Variants in ERBIN observed in about 807,000 individuals in gnomAD.
ERBIN encodes the protein erbb2 interacting protein.
In ERBIN, 60 loss-of-function variants were observed where a neutral mutation model predicts 158.4. The ratio of observed to expected loss-of-function variants is 0.38; its 90% CI spans 0.31 to 0.47. The LOEUF is 0.47. Among genes scored for constraint, ERBIN ranks in the 20% least tolerant of loss-of-function variants. ERBIN has a pLI of 0.99. For synonymous variants in ERBIN, 594 were observed against 557.2 expected (o/e 1.07, Z -0.93); for missense variants, 1,610 against 1,648.0 (o/e 0.98, Z 0.40).
intron 7 of ERBIN, among the ~76,000 whole-genome samples, chr5:66,019,537 C>T (rs1365898581): frequency 6.6e-6 from 1 of 152,094 alleles, no homozygotes; most frequent in East Asian, 1.9e-4. Flanking sequence ...AGATCTTATT[C>T]TAGGATGCAG....
chr5:65,989,997 A>G (rs948007365), intron 2 of ERBIN, among the ~76,000 whole-genome samples: 4 of 152,238 alleles, frequency 2.6e-5, no homozygotes, highest in Non-Finnish European at 4.4e-5. Context: ...ATCTTATTAG[A>G]TGAACTGTTT....
At chr5:66,031,696 G>A (rs13170623) in intron 14 of ERBIN, among the ~76,000 whole-genome samples, 2 of 152,104 alleles carry the variant, frequency 1.3e-5, no homozygotes, top group African/African-American at 4.8e-5. Flanking sequence ...GCCAGGTGGG[G>A]TAGCACATGC....
At chr5:65,993,448 C>T (rs1752095228) in intron 3 of ERBIN, among the ~76,000 whole-genome samples, 1 of 152,102 alleles carries the variant, frequency 6.6e-6, no homozygotes, top group African/African-American at 2.4e-5. Flanking sequence ...TGGTTTGTTG[C>T]CATGAAACAC....
chr5:66,034,546 C>CA (rs1288977375), intron 14 of ERBIN, among the ~76,000 whole-genome samples: 1 of 151,692 alleles, frequency 6.6e-6, no homozygotes. Context: ...CTCGGCCTCC[C>CA]AAAGTGCTGG....
rs1314182459 is a variant in ERBIN at position 66,041,618 on chromosome 5, T to TG, written c.1307-1457dup. Among the ~76,000 whole-genome samples the TG allele has an allele frequency of 1.2e-3, 176 of 152,160 alleles. 2 individuals are homozygous for TG. Among genetic ancestry groups the TG allele is most frequent in the Non-Finnish European group, 2.9e-4 (20 of 67,884 alleles). ...GAGAATTTGACAAGAATGAGAAGCA[T>TG]GGTATAAGTTAACTTACCTTGGGCT... On this transcript the variant is annotated intron_variant, in intron 15 of 25. Coordinates refer to ENST00000284037, the MANE Select transcript of ERBIN (RefSeq NM_001253697.2).
intron 15 of ERBIN, among the ~76,000 whole-genome samples, 186 bp downstream of exon 15, chr5:66,038,668 G>A (rs1757637855): frequency 6.6e-6 from 1 of 152,036 alleles, no homozygotes; most frequent in African/African-American, 2.4e-5. Context: ...AAGTATAAGT[G>A]TAGCATATGC....
chr5:66,018,500 T>TATA (rs1755141356), intron 7 of ERBIN, among the ~76,000 whole-genome samples: 1 of 10,182 alleles, frequency 9.8e-5, no homozygotes, highest in Non-Finnish European at 1.7e-4. Context: ...TATTATATAA[T>TATA]ATATATTATA....
intron 1 of ERBIN, among the ~76,000 whole-genome samples, chr5:65,963,217 T>C (rs974571027): frequency 9.2e-5 from 14 of 152,232 alleles, no homozygotes; most frequent in African/African-American, 2.7e-4. Context: ...TTTTTTATTC[T>C]TTTGTTCTTT....
At chr5:66,046,575 AC>A in intron 18 of ERBIN, 37 bp downstream of exon 18, 1 of 1,426,788 alleles carries the variant, frequency 7.0e-7, no homozygotes, top group Non-Finnish European at 9.4e-7. Flanking sequence ...AACTATAAGA[AC>A]TTTCAATTTA....
At chr5:65,969,553 A>G (rs1749023927) in intron 1 of ERBIN, among the ~76,000 whole-genome samples, 1 of 152,232 alleles carries the variant, frequency 6.6e-6, no homozygotes, top group African/African-American at 2.4e-5. Flanking sequence ...AATGTAAAGC[A>G]GTATTATTTC....
chr5:65,997,938 A>ACC (rs1752608732), intron 4 of ERBIN, among the ~76,000 whole-genome samples: 1 of 152,166 alleles, frequency 6.6e-6, no homozygotes, highest in South Asian at 2.1e-4. Context: ...ACACACACAC[A>ACC]CACACACACA....
At chr5:66,003,614 A>C (rs1211017583) in intron 4 of ERBIN, among the ~76,000 whole-genome samples, 1 of 152,130 alleles carries the variant, frequency 6.6e-6, no homozygotes, top group African/African-American at 2.4e-5. Flanking sequence ...CTTTTTTCAG[A>C]CATGATTATA....
intron 21 of ERBIN, among the ~76,000 whole-genome samples, chr5:66,066,038 T>G (rs111513502): frequency 5.5e-4 from 83 of 152,254 alleles, no homozygotes; most frequent in African/African-American, 1.9e-3. Flanking sequence ...TCTGCAAGTC[T>G]CTCGTGGGGA....
chr5:65,937,158 C>T (rs1445487529), intron 1 of ERBIN, among the ~76,000 whole-genome samples: 1 of 152,136 alleles, frequency 6.6e-6, no homozygotes, highest in Non-Finnish European at 1.5e-5. Flanking sequence ...TGATGTGTTG[C>T]TTATCCTTAT....
chr5:66,036,376 A>G (rs537897946), intron 14 of ERBIN, among the ~76,000 whole-genome samples: 7 of 152,202 alleles, frequency 4.6e-5, no homozygotes, highest in African/African-American at 1.7e-4. Context: ...TTGTGGCTTC[A>G]TCTCTACCCC....
chr5:66,054,458 G>A lies in ERBIN; in HGVS notation c.3140G>A (p.Arg1047Lys), dbSNP rs1288673580. The A allele has an allele frequency of 1.2e-6, 2 of 1,614,096 alleles. No individual in the cohort carries two copies. Among genetic ancestry groups the A allele is most frequent in the Non-Finnish European group, 1.7e-6 (2 of 1,180,006 alleles). The change falls in exon 21 of 26, where the codon AGA (arginine) becomes AAA (lysine). Residue 1047 changes from arginine to lysine, a missense_variant. Physicochemically the swap from Arg to Lys is conservative, Grantham distance 26 (BLOSUM62 2). Around this residue, in one of 2 missense-constraint regions of ERBIN, gnomAD observed 1,014 missense variants for 936.1 expected, o/e 1.08. Coordinates refer to ENST00000284037, the MANE Select transcript of ERBIN (RefSeq NM_001253697.2). ...AATACTGCATACCATTTACATCAGA[G>A]ACTTGGCCCAGCAAGACATGGGGAA... ...RANTAYHLHQ[R>K]LGPARHGEMW... is the part of the protein sequence containing the mutation.
chr5:65,964,971 A>ATTTT (rs1561304310), intron 1 of ERBIN, among the ~76,000 whole-genome samples: 2 of 67,166 alleles, frequency 3.0e-5, no homozygotes, highest in African/African-American at 1.6e-4. Context: ...TTTTTTTTTA[A>ATTTT]GTAGAGATGG....
intron 7 of ERBIN, among the ~76,000 whole-genome samples, chr5:66,018,473 T>TTATATAATATAA (rs1554058739): frequency 2.0e-4 from 1 of 5,062 alleles, no homozygotes; most frequent in Non-Finnish European, 3.7e-4. Context: ...ATAATATATA[T>TTATATAATATAA]TATATATTAT....
intron 1 of ERBIN, among the ~76,000 whole-genome samples, chr5:65,972,094 TG>T (rs1187301534): frequency 4.6e-5 from 7 of 152,138 alleles, no homozygotes; most frequent in African/African-American, 1.7e-4. Context: ...CATTGTGAAT[TG>T]GGGGGCTATT....
Sources: gnomAD v4.1 joint callset for allele counts (sites outside exome capture counted in the v4.1 genomes callset) on GRCh38, gnomAD v4.1.1 for gene constraint, gnomAD v4.1.1 regional missense constraint, MANE v1.5 for transcripts, NCBI Gene and HGNC (gene_info 2026-07-23, HGNC 2026-07-21) for gene names.